DLGAP2: variants seen among roughly 807,000 people sequenced by gnomAD.
The protein encoded by DLGAP2 is disks large-associated protein 2.
A neutral mutation model predicts 100.3 loss-of-function variants in DLGAP2; 26 were observed. The ratio of observed to expected loss-of-function variants is 0.26; its 90% CI spans 0.19 to 0.36. DLGAP2 has a LOEUF of 0.36. DLGAP2 is among the 10% of genes least tolerant of loss of function. DLGAP2 has a pLI of 1.00. For synonymous variants in DLGAP2, 886 were observed against 630.1 expected (o/e 1.41, Z -6.08); for missense variants, 1,858 against 1,453.2 (o/e 1.28, Z -4.53).
At chr8:1,574,836 A>T (rs1802895037) in intron 6 of DLGAP2, among the ~76,000 whole-genome samples, 1 of 152,222 alleles carries the variant, frequency 6.6e-6, no homozygotes. Flanking sequence ...TGTGACAGGC[A>T]TCTCACTCTG....
At chr8:1,184,380 G>A (rs527628783) in intron 2 of DLGAP2, among the ~76,000 whole-genome samples, 22 of 152,344 alleles carry the variant, frequency 1.4e-4, no homozygotes, top group South Asian at 1.0e-3. Flanking sequence ...GCGGCTGTCC[G>A]CAAGCTCATG....
chr8:1,320,724 C>G (rs1351868225), intron 3 of DLGAP2, among the ~76,000 whole-genome samples: 1 of 152,212 alleles, frequency 6.6e-6, no homozygotes, highest in Non-Finnish European at 1.5e-5. Context: ...ACACCCACCC[C>G]AGTCATGGCC....
At chr8:1,136,457 G>C (rs1031732506) in intron 2 of DLGAP2, among the ~76,000 whole-genome samples, 4 of 152,128 alleles carry the variant, frequency 2.6e-5, no homozygotes, top group African/African-American at 7.2e-5. Context: ...CATACAGGCC[G>C]GGGTGGATGC....
At chr8:1,641,209 G>A (rs1327471073) in intron 8 of DLGAP2, among the ~76,000 whole-genome samples, 2 of 152,152 alleles carry the variant, frequency 1.3e-5, no homozygotes, top group Non-Finnish European at 2.9e-5. Context: ...CGTGCCTCCC[G>A]GTTTGCAGAA....
intron 1 of DLGAP2, among the ~76,000 whole-genome samples, chr8:810,372 G>T (rs1796349437): frequency 6.6e-6 from 1 of 152,138 alleles, no homozygotes; most frequent in Admixed American, 6.5e-5. Context: ...AGTTTATCTG[G>T]TACACACCAT....
At chr8:1,604,279 A>G (rs973561670) in intron 6 of DLGAP2, among the ~76,000 whole-genome samples, 2 of 152,158 alleles carry the variant, frequency 1.3e-5, no homozygotes, top group African/African-American at 4.8e-5. Context: ...ATCTCCTAAC[A>G]CCAGGGAGAG....
At chr8:914,023 T>C (rs1798541954) in intron 2 of DLGAP2, among the ~76,000 whole-genome samples, 1 of 152,236 alleles carries the variant, frequency 6.6e-6, no homozygotes, top group South Asian at 2.1e-4. Flanking sequence ...GGGAGTGGTA[T>C]TTACACATAC....
intron 2 of DLGAP2, among the ~76,000 whole-genome samples, chr8:1,125,575 T>C (rs902579749): frequency 2.0e-5 from 3 of 152,222 alleles, no homozygotes; most frequent in African/African-American, 7.2e-5. Context: ...CTTCTTGCGA[T>C]CTAATCTGAT....
chr8:1,299,760 C>T (rs939261515), intron 3 of DLGAP2, among the ~76,000 whole-genome samples: 1 of 152,154 alleles, frequency 6.6e-6, no homozygotes, highest in Non-Finnish European at 1.5e-5. Context: ...TACAATCCCC[C>T]CTGGACTGCA....
At chr8:1,288,400 GGTTGTTAGGAGGGGAACTTGTTT>G (rs1799987170) in intron 3 of DLGAP2, among the ~76,000 whole-genome samples, 1 of 142,918 alleles carries the variant, frequency 7.0e-6, no homozygotes, top group African/African-American at 2.6e-5. Context: ...GTGTGTGTGT[GGTTGTTAGGAGGGGAACTTGTTT>G]TGGTTCAGTG....
At chr8:1,156,074 G>A (rs1585107865) in intron 2 of DLGAP2, among the ~76,000 whole-genome samples, 2 of 152,294 alleles carry the variant, frequency 1.3e-5, no homozygotes, top group African/African-American at 4.8e-5. Context: ...CCGCCATTAA[G>A]CAAGGAAAGC....
At chr8:973,273 C>T (rs1481737756) in intron 2 of DLGAP2, among the ~76,000 whole-genome samples, 31 of 146,316 alleles carry the variant, frequency 2.1e-4, no homozygotes, top group Non-Finnish European at 2.3e-4. Context: ...CCCTCCCGGA[C>T]GGGGCAGCTG....
At chr8:784,766 C>T (rs1821791881) in intron 1 of DLGAP2, among the ~76,000 whole-genome samples, 1 of 152,224 alleles carries the variant, frequency 6.6e-6, no homozygotes, top group African/African-American at 2.4e-5. Context: ...CCAGTGCCAT[C>T]TGTACACCTT....
chr8:866,574 G>A (rs1797502082), intron 1 of DLGAP2, among the ~76,000 whole-genome samples: 1 of 152,150 alleles, frequency 6.6e-6, no homozygotes, highest in Admixed American at 6.5e-5. Flanking sequence ...AAGGACCAGA[G>A]TGCTGGGGGT....
chr8:949,898 G>C (rs1799432515), intron 2 of DLGAP2, among the ~76,000 whole-genome samples: 1 of 152,202 alleles, frequency 6.6e-6, no homozygotes, highest in Non-Finnish European at 1.5e-5. Flanking sequence ...AGTAAAAATA[G>C]CGTTGATTTT....
chr8:1,059,712 C>T (rs981446504), intron 2 of DLGAP2, among the ~76,000 whole-genome samples: 2 of 152,082 alleles, frequency 1.3e-5, no homozygotes. Flanking sequence ...GCCCTCTTTG[C>T]TGTGGGAAGG....
intron 3 of DLGAP2, among the ~76,000 whole-genome samples, chr8:1,304,661 G>A (rs946990086): frequency 2.6e-5 from 4 of 152,216 alleles, no homozygotes; most frequent in South Asian, 2.1e-4. Flanking sequence ...AATACAGTGC[G>A]GAAGTGCTTC....
At chr8:1,050,976 G>GGGGGTCATTTTGTGGT (rs1282699139) in intron 2 of DLGAP2, among the ~76,000 whole-genome samples, 4 of 111,068 alleles carry the variant, frequency 3.6e-5, no homozygotes, top group African/African-American at 1.4e-4. Context: ...TTTCGTGGGT[G>GGGGGTCATTTTGTGGT]GGGGTCATTT....
Position 1,585,228 on chromosome 8 carries a change from G to A in DLGAP2, c.1442+19334G>A, listed in dbSNP as rs144407358. 2.1e-3 allele frequency among the ~76,000 whole-genome samples: 313 copies of A among 152,242 alleles called. 4 individuals carry two copies. The East Asian group carries it at 0.045, about 22-fold the overall frequency. ...CTGTGATCCCAGCACTTTGGGAGGC[G>A]GAGGCGGGCAGATCACTTGAGATCA... On this transcript the variant is annotated intron_variant, in intron 6 of 14. Coordinates refer to ENST00000637795, the MANE Select transcript of DLGAP2 (RefSeq NM_001346810.2).
Sources: gnomAD v4.1 joint callset for allele counts (sites outside exome capture counted in the v4.1 genomes callset) on GRCh38, gnomAD v4.1.1 for gene constraint, MANE v1.5 for transcripts, NCBI Gene and HGNC (gene_info 2026-07-23, HGNC 2026-07-21) for gene names.